The following DLC1 variants were observed in gnomAD, a reference collection of about 807,000 sequenced individuals.
The protein encoded by DLC1 is DLC1 Rho GTPase activating protein.
In DLC1, 54 loss-of-function variants were observed where a neutral mutation model predicts 140.3. The observed-to-expected ratio is 0.38, with a 90% CI of 0.31 to 0.48. The LOEUF (loss-of-function observed/expected upper bound fraction) is 0.48. DLC1 is among the 20% of genes least tolerant of loss of function. The probability of loss-of-function intolerance (pLI) is 0.96; values close to 1 mark genes in which losing one functional copy is unlikely to be tolerated. For missense variants in DLC1, 2,536 were observed against 1,907.0 expected (o/e 1.33, Z -6.14); for synonymous variants, 986 against 728.1 (o/e 1.35, Z -5.70).
intron 4 of DLC1, among the ~76,000 whole-genome samples, chr8:13,305,828 C>A (rs555070619): frequency 1.5e-4 from 23 of 152,220 alleles, no homozygotes; most frequent in Admixed American, 1.3e-3. Flanking sequence ...CACAGTCAGA[C>A]CCCATCGCAA....
rs181571179 is a variant in DLC1 at position 13,286,825 on chromosome 8, A to G, written c.1348+18444T>C. ...ACAAGTGAGGAGAAGAAGGAAAAAA[A>G]GAAAGCCTTTGATAAAAGGAAAAAT... is the stretch of plus-strand genomic sequence containing the variant. On this transcript the variant is annotated intron_variant, in intron 5 of 17. Coordinates refer to ENST00000276297, the MANE Select transcript of DLC1 (RefSeq NM_182643.3). 7.2e-5 allele frequency among the ~76,000 whole-genome samples: 11 copies of G among 152,266 alleles called. No homozygotes were observed. In the East Asian group the frequency reaches 2.1e-3, roughly 29 times the overall value.
intron 5 of DLC1, among the ~76,000 whole-genome samples, chr8:13,164,698 G>A (rs1169285423): frequency 6.6e-6 from 1 of 152,186 alleles, no homozygotes; most frequent in Non-Finnish European, 1.5e-5. Context: ...TACATCAGGA[G>A]AAAGCTCTTT....
chr8:13,433,759 A>G (rs1398950502), intron 2 of DLC1, among the ~76,000 whole-genome samples: 1 of 152,232 alleles, frequency 6.6e-6, no homozygotes, highest in East Asian at 1.9e-4. Context: ...ACTGAAAAAA[A>G]TGGCAACAAT....
Position 13,406,409 on chromosome 8 carries a change from A to G in DLC1, c.1024-4790T>C, listed in dbSNP as rs564506988. ...TACACTGTTTCAGAGGAAGCAACCT[A>G]TTTCATATTTGTGCAGCTATAAATT... On this transcript the variant is annotated intron_variant, in intron 2 of 17. Coordinates refer to ENST00000276297, the MANE Select transcript of DLC1 (RefSeq NM_182643.3). Among the ~76,000 whole-genome samples, 4 of 152,084 alleles carry G rather than the reference A, an allele frequency of 2.6e-5. No individual in the cohort carries two copies. The East Asian group carries it at 7.8e-4, about 29-fold the overall frequency.
chr8:13,306,272 A>G (rs1463598912), intron 4 of DLC1, among the ~76,000 whole-genome samples: 1 of 152,202 alleles, frequency 6.6e-6, no homozygotes, highest in Non-Finnish European at 1.5e-5. Context: ...TCAGAATGAG[A>G]TCTTTCCAAG....
intron 4 of DLC1, among the ~76,000 whole-genome samples, chr8:13,345,590 A>G (rs370768222): frequency 2.9e-5 from 3 of 103,192 alleles, no homozygotes; most frequent in African/African-American, 7.9e-5. Flanking sequence ...GTCTTGCTGT[A>G]TCACCCAGAT....
chr8:13,350,583 G>A (rs1586184781), intron 4 of DLC1, among the ~76,000 whole-genome samples: 1 of 152,144 alleles, frequency 6.6e-6, no homozygotes, highest in African/African-American at 2.4e-5. Flanking sequence ...GGGCGTGGTG[G>A]TGGCCACCTG....
intron 2 of DLC1, among the ~76,000 whole-genome samples, chr8:13,455,344 C>G (rs1436176533): frequency 6.6e-6 from 1 of 152,152 alleles, no homozygotes. Context: ...TACACTTCCT[C>G]TCCTCAAAGC....
chr8:13,207,674 G>T (rs1284944721), intron 5 of DLC1, among the ~76,000 whole-genome samples: 2 of 152,100 alleles, frequency 1.3e-5, no homozygotes, highest in Non-Finnish European at 2.9e-5. Flanking sequence ...GTGGTTCTCA[G>T]TTGGAGTGAT....
chr8:13,088,062 A>T (rs1322898728), intron 16 of DLC1, among the ~76,000 whole-genome samples: 1 of 152,148 alleles, frequency 6.6e-6, no homozygotes, highest in Non-Finnish European at 1.5e-5. Flanking sequence ...GGTGTTCACT[A>T]CTTTTCTGGA....
intron 1 of DLC1, among the ~76,000 whole-genome samples, chr8:13,554,442 C>T (rs988161942): frequency 4.6e-5 from 7 of 152,244 alleles, no homozygotes; most frequent in African/African-American, 1.7e-4. Flanking sequence ...TACTGAAATA[C>T]CTGTTTTACA....
rs558625674 is a variant in DLC1, at chr8:13,588,547, A to G, written c.-126+15990T>C. Among the ~76,000 whole-genome samples, 395 of 152,268 alleles carry G rather than the reference A, an allele frequency of 2.6e-3. 2 individuals carry two copies. The highest frequency in any genetic ancestry group is 4.7e-3 in the Non-Finnish European group (320 of 68,016). On this transcript the variant is annotated intron_variant, in intron 1 of 1. Transcript: ENST00000631382. Reference sequence around the variant, plus strand: ...AAGAATTATAGCCTGGGGGTACAGCATGTTTAAAACTCCCAATTTTACTGG... The same window carrying G: ...AAGAATTATAGCCTGGGGGTACAGCGTGTTTAAAACTCCCAATTTTACTGG...
At chr8:13,366,558 G>A (rs1405461473) in intron 4 of DLC1, among the ~76,000 whole-genome samples, 1 of 152,184 alleles carries the variant, frequency 6.6e-6, no homozygotes, top group African/African-American at 2.4e-5. Flanking sequence ...GAACCCAGAG[G>A]TCTTGACTTA....
intron 4 of DLC1, among the ~76,000 whole-genome samples, chr8:13,311,162 T>G (rs1228619286): frequency 6.6e-6 from 1 of 152,184 alleles, no homozygotes; most frequent in East Asian, 1.9e-4. Context: ...AAAATACTCA[T>G]TTAGCTCTTT....
chr8:13,324,521 C>T (rs10107625), intron 4 of DLC1, among the ~76,000 whole-genome samples: 70,064 of 147,228 alleles, frequency 0.48, 17,175 homozygotes, highest in East Asian at 0.82. Flanking sequence ...GAGCCCAGAT[C>T]GCGCCACTGC....
At chr8:13,465,020 C>G (rs965060274) in intron 2 of DLC1, among the ~76,000 whole-genome samples, 34 of 152,050 alleles carry the variant, frequency 2.2e-4, no homozygotes, top group African/African-American at 8.2e-4. Context: ...GTGCATGCCA[C>G]CATGCATAGC....
At chr8:13,371,489 C>T (rs958731618) in intron 4 of DLC1, among the ~76,000 whole-genome samples, 9 of 152,072 alleles carry the variant, frequency 5.9e-5, no homozygotes, top group African/African-American at 1.2e-4. Flanking sequence ...CAGCTCTGAA[C>T]ATGTAAGTCC....
At chr8:13,101,453 TG>T (rs1819082218) in intron 8 of DLC1, among the ~76,000 whole-genome samples, 1 of 152,186 alleles carries the variant, frequency 6.6e-6, no homozygotes, top group African/African-American at 2.4e-5. Context: ...TGCTGTCTTT[TG>T]TTGGTGTATG....
intron 2 of DLC1, among the ~76,000 whole-genome samples, chr8:13,481,594 T>TC (rs1474168542): frequency 6.6e-6 from 1 of 152,180 alleles, no homozygotes; most frequent in Non-Finnish European, 1.5e-5. Context: ...AATACCAGAC[T>TC]CCATTAGAAT....
Sources: gnomAD v4.1 joint callset for allele counts (sites outside exome capture counted in the v4.1 genomes callset) on GRCh38, gnomAD v4.1.1 for gene constraint, MANE v1.5 for transcripts, NCBI Gene and HGNC (gene_info 2026-07-23, HGNC 2026-07-21) for gene names.